Variants in KCNH8 observed in about 807,000 individuals in gnomAD.
KCNH8 encodes potassium voltage-gated channel subfamily H member 8.
Under a neutral mutation model 103.6 loss-of-function variants are expected in KCNH8, and 70 were observed. That is an observed-to-expected ratio of 0.68 (90% CI 0.56 to 0.82). The LOEUF (loss-of-function observed/expected upper bound fraction) is 0.82, where lower values mean the gene tolerates loss of function less well. KCNH8 is among the 40% of genes least tolerant of loss of function. The pLI, the probability that KCNH8 is intolerant of heterozygous loss-of-function variation, is 0.00. For synonymous variants in KCNH8, 498 were observed against 489.4 expected (o/e 1.02, Z -0.23); for missense variants, 1,217 against 1,329.9 (o/e 0.92, Z 1.32).
At chr3:19,252,370 TAAATACGTG>T (rs1263920184) in intron 1 of KCNH8, among the ~76,000 whole-genome samples, 11 of 152,050 alleles carry the variant, frequency 7.2e-5, no homozygotes, top group African/African-American at 2.2e-4. Context: ...ATTACAACCA[TAAATACGTG>T]AATAGCACTC....
chr3:19,226,312 T>C (rs1025374186), intron 1 of KCNH8, among the ~76,000 whole-genome samples: 1 of 152,210 alleles, frequency 6.6e-6, no homozygotes, highest in African/African-American at 2.4e-5. Flanking sequence ...TACATGTGGA[T>C]AAAATTTTCC....
intron 7 of KCNH8, among the ~76,000 whole-genome samples, chr3:19,414,996 G>C (rs1406681373): frequency 6.6e-6 from 1 of 151,860 alleles, no homozygotes; most frequent in Non-Finnish European, 1.5e-5. Context: ...AAGCCCTTCA[G>C]TTCTCACTTG....
chr3:19,408,618 T>A (rs2066730254), intron 7 of KCNH8, among the ~76,000 whole-genome samples: 1 of 151,942 alleles, frequency 6.6e-6, no homozygotes, highest in South Asian at 2.1e-4. Flanking sequence ...CAAAAAAAAT[T>A]CTAAAGCAAT....
chr3:19,312,590 A>G (rs2065221030), intron 3 of KCNH8, among the ~76,000 whole-genome samples: 1 of 151,960 alleles, frequency 6.6e-6, no homozygotes, highest in African/African-American at 2.4e-5. Flanking sequence ...TTAGCTCTTC[A>G]GTGGCCAATC....
intron 11 of KCNH8, among the ~76,000 whole-genome samples, chr3:19,488,339 C>T (rs890117773): frequency 1.1e-4 from 16 of 152,222 alleles, no homozygotes; most frequent in Non-Finnish European, 2.1e-4. Context: ...TCCGCCTGGC[C>T]TGGTGTTCGG....
intron 3 of KCNH8, among the ~76,000 whole-genome samples, chr3:19,304,508 A>T (rs2065104704): frequency 6.6e-6 from 1 of 152,164 alleles, no homozygotes; most frequent in African/African-American, 2.4e-5. Context: ...TAAATATAGG[A>T]TATAATGAAG....
intron 11 of KCNH8, among the ~76,000 whole-genome samples, chr3:19,491,146 CAT>C (rs1030345444): frequency 6.6e-6 from 1 of 152,106 alleles, no homozygotes; most frequent in Non-Finnish European, 1.5e-5. Context: ...TAATTATATA[CAT>C]ATATATATGT....
At position 19,206,168 on chromosome 3, in the gene KCNH8, G is replaced by GTGTGTATATATATATATATA. The variant is rs979868166; in HGVS notation, c.77-47485_77-47484insGTGTATATATATATATATAT. ...GTATATATATATTAATGGTGTGTGT[G>GTGTGTATATATATATATATA]TATATATATATATATATCACAGTTA... is the stretch of plus-strand genomic sequence containing the variant. On this transcript the variant is annotated intron_variant, in intron 1 of 15. Transcript: ENST00000328405. Among the ~76,000 whole-genome samples the GTGTGTATATATATATATATA allele has an allele frequency of 3.1e-3, 436 of 139,194 alleles. 7 individuals carry two copies. The highest frequency in any genetic ancestry group is 0.012 in the African/African-American group (413 of 34,794). 91.3% of individuals were successfully genotyped at this position (139,194 alleles called of 152,430 possible).
chr3:19,474,311 T>C (rs1318987168), intron 11 of KCNH8, among the ~76,000 whole-genome samples: 1 of 152,168 alleles, frequency 6.6e-6, no homozygotes, highest in Non-Finnish European at 1.5e-5. Flanking sequence ...GTGGAGGCAG[T>C]CTGCTTACAG....
At chr3:19,280,137 A>G (rs1004704205) in intron 2 of KCNH8, among the ~76,000 whole-genome samples, 1 of 152,114 alleles carries the variant, frequency 6.6e-6, no homozygotes, top group Non-Finnish European at 1.5e-5. Context: ...TATTTCTAAA[A>G]TACATATTTT....
intron 1 of KCNH8, among the ~76,000 whole-genome samples, chr3:19,198,796 A>G (rs570049321): frequency 1.2e-4 from 19 of 152,226 alleles, no homozygotes; most frequent in Non-Finnish European, 2.5e-4. Context: ...ATTTCTTAGA[A>G]TGTTGAATTC....
rs113772694 is a variant in KCNH8 at position 19,170,584 on chromosome 3, C to CTATATATATATATA, written c.76+21801_76+21814dup. Among the ~76,000 whole-genome samples the CTATATATATATATA allele has an allele frequency of 2.8e-3, 314 of 114,000 alleles. 1 individual carries two copies. Among genetic ancestry groups the CTATATATATATATA allele is most frequent in the African/African-American group, 9.2e-3 (288 of 31,176 alleles). The allele number at this position is 114,000 out of a possible 152,430, so 74.8% of individuals were successfully genotyped here. ...GCAAGTGCCCCACTTCTTGGGGCAT[C>CTATATATATATATA]TATATATATATATATATATATATAT... is the stretch of plus-strand genomic sequence containing the variant. On this transcript the variant is annotated intron_variant, in intron 1 of 15. Coordinates refer to ENST00000328405, the MANE Select transcript of KCNH8 (RefSeq NM_144633.3).
chr3:19,519,241 G>A (rs1423790343), intron 15 of KCNH8, among the ~76,000 whole-genome samples: 1 of 151,962 alleles, frequency 6.6e-6, no homozygotes, highest in Non-Finnish European at 1.5e-5. Flanking sequence ...GGCAGGGACA[G>A]ACAGTGCAAC....
At chr3:19,204,457 T>G (rs2063694300) in intron 1 of KCNH8, among the ~76,000 whole-genome samples, 1 of 152,028 alleles carries the variant, frequency 6.6e-6, no homozygotes, top group African/African-American at 2.4e-5. Context: ...TGTGTGTGTG[T>G]TCTGAACGCG....
At chr3:19,466,649 ATTTTTTTTTTTTTTT>A (rs869048680) in intron 11 of KCNH8, among the ~76,000 whole-genome samples, 5 of 50,642 alleles carry the variant, frequency 9.9e-5, no homozygotes, top group South Asian at 9.5e-4. Context: ...GTAGCAATAC[ATTTTTTTTTTTTTTT>A]TTTTTTTTTT....
chr3:19,428,746 G>A (rs1257178258), intron 7 of KCNH8, among the ~76,000 whole-genome samples: 1 of 152,102 alleles, frequency 6.6e-6, no homozygotes, highest in Admixed American at 6.6e-5. Flanking sequence ...GCAGAACTAA[G>A]ACATAAAAAA....
intron 1 of KCNH8, among the ~76,000 whole-genome samples, chr3:19,179,544 A>G (rs1302115469): frequency 6.6e-6 from 1 of 152,184 alleles, no homozygotes; most frequent in Admixed American, 6.5e-5. Context: ...GTATTTCAGA[A>G]CAAATTTTGT....
intron 14 of KCNH8, 115 bp downstream of exon 14, chr3:19,515,543 A>C: frequency 2.1e-6 from 1 of 472,742 alleles, no homozygotes; most frequent in Non-Finnish European, 3.7e-6. Context: ...TCTCCCTGTC[A>C]TAGAACCTTA....
At chr3:19,337,691 A>G (rs1482396751) in intron 3 of KCNH8, among the ~76,000 whole-genome samples, 1 of 152,072 alleles carries the variant, frequency 6.6e-6, no homozygotes, top group Non-Finnish European at 1.5e-5. Flanking sequence ...GCTTTGCTCC[A>G]TGTCTACTGC....
Sources: gnomAD v4.1 joint callset for allele counts (sites outside exome capture counted in the v4.1 genomes callset) on GRCh38, gnomAD v4.1.1 for gene constraint, MANE v1.5 for transcripts, NCBI Gene and HGNC (gene_info 2026-07-23, HGNC 2026-07-21) for gene names.